The following HS3ST4 variants were observed in gnomAD, a reference collection of about 807,000 sequenced individuals.
The protein encoded by HS3ST4 is heparan sulfate-glucosamine 3-sulfotransferase 4.
Under a neutral mutation model 29.2 loss-of-function variants are expected in HS3ST4, and 17 were observed. The observed-to-expected ratio is 0.58, with a 90% CI of 0.40 to 0.87. The LOEUF (loss-of-function observed/expected upper bound fraction) is 0.87. Among genes scored for constraint, HS3ST4 ranks in the 40% least tolerant of loss-of-function variants. HS3ST4 has a pLI of 0.00. For missense variants in HS3ST4, 627 were observed against 634.5 expected (o/e 0.99, Z 0.13); for synonymous variants, 314 against 285.7 (o/e 1.10, Z -1.00).
chr16:26,044,036 T>G (rs1308893269), intron 1 of HS3ST4, among the ~76,000 whole-genome samples: 1 of 152,212 alleles, frequency 6.6e-6, no homozygotes, highest in East Asian at 1.9e-4. Flanking sequence ...CAGAGAAGTT[T>G]GACAAATAGC....
chr16:26,134,357 C>CTTTTTTTTTTT (rs1167036022), intron 1 of HS3ST4, among the ~76,000 whole-genome samples: 37 of 109,064 alleles, frequency 3.4e-4, no homozygotes, highest in African/African-American at 4.5e-4. Context: ...CTTTTCTTTT[C>CTTTTTTTTTTT]TTTTCTTTTT....
At chr16:25,795,079 C>A in intron 1 of HS3ST4, among the ~76,000 whole-genome samples, 1 of 150,712 alleles carries the variant, frequency 6.6e-6, no homozygotes. Context: ...TCAAGTGATT[C>A]TTCTGCCTCA....
chr16:25,880,532 T>C (rs1302492711), intron 1 of HS3ST4, among the ~76,000 whole-genome samples: 2 of 152,168 alleles, frequency 1.3e-5, no homozygotes, highest in African/African-American at 4.8e-5. Context: ...TGAGAATTAA[T>C]TAAGGTTTGT....
At chr16:25,927,315 G>C (rs1412785562) in intron 1 of HS3ST4, among the ~76,000 whole-genome samples, 1 of 152,210 alleles carries the variant, frequency 6.6e-6, no homozygotes, top group African/African-American at 2.4e-5. Context: ...AGCCTTTTGG[G>C]AATGTTGGAA....
chr16:25,723,049 C>T (rs1320148558), intron 1 of HS3ST4, among the ~76,000 whole-genome samples: 1 of 152,164 alleles, frequency 6.6e-6, no homozygotes, highest in African/African-American at 2.4e-5. Flanking sequence ...CCTTATAAAA[C>T]CATCAGATCT....
chr16:25,991,594 TAGA>T (rs903449541), intron 1 of HS3ST4, among the ~76,000 whole-genome samples: 3 of 152,156 alleles, frequency 2.0e-5, no homozygotes, highest in Non-Finnish European at 4.4e-5. Context: ...GTGAATGAAG[TAGA>T]AGGGAATTAA....
At chr16:25,842,847 A>G (rs1967429934) in intron 1 of HS3ST4, among the ~76,000 whole-genome samples, 1 of 152,198 alleles carries the variant, frequency 6.6e-6, no homozygotes, top group African/African-American at 2.4e-5. Flanking sequence ...TAAACAAGTT[A>G]TTTTGACTCT....
chr16:25,735,104 G>C (rs1220952445), intron 1 of HS3ST4, among the ~76,000 whole-genome samples: 1 of 152,214 alleles, frequency 6.6e-6, no homozygotes, highest in Non-Finnish European at 1.5e-5. Context: ...CTCTCTAACA[G>C]AAAATACTGC....
intron 1 of HS3ST4, among the ~76,000 whole-genome samples, chr16:25,957,545 G>C (rs1968749314): frequency 6.6e-6 from 1 of 152,078 alleles, no homozygotes; most frequent in Non-Finnish European, 1.5e-5. Context: ...AGCCTCCCGA[G>C]TAGCTGGGAT....
At chr16:25,894,554 G>A (rs894255828) in intron 1 of HS3ST4, among the ~76,000 whole-genome samples, 1 of 150,858 alleles carries the variant, frequency 6.6e-6, no homozygotes, top group African/African-American at 2.4e-5. Flanking sequence ...CACCCAGGCT[G>A]GAGTGCAATG....
At chr16:25,773,123 A>G (rs1567236877) in intron 1 of HS3ST4, among the ~76,000 whole-genome samples, 1 of 152,212 alleles carries the variant, frequency 6.6e-6, no homozygotes, top group Non-Finnish European at 1.5e-5. Context: ...TGTGGCTTAC[A>G]GCAACTAAAT....
At chr16:26,009,958 C>T (rs972500073) in intron 1 of HS3ST4, among the ~76,000 whole-genome samples, 7 of 152,130 alleles carry the variant, frequency 4.6e-5, no homozygotes, top group Non-Finnish European at 1.0e-4. Flanking sequence ...CTAAGTTTTC[C>T]TAGCAACACG....
intron 1 of HS3ST4, among the ~76,000 whole-genome samples, chr16:25,977,879 G>T (rs11859501): frequency 6.6e-6 from 1 of 152,086 alleles, no homozygotes; most frequent in South Asian, 2.1e-4. Flanking sequence ...ACAGATTGCC[G>T]CCCCCTGCCT....
chr16:25,775,657 G>A (rs1966846989), intron 1 of HS3ST4, among the ~76,000 whole-genome samples: 1 of 152,136 alleles, frequency 6.6e-6, no homozygotes, highest in African/African-American at 2.4e-5. Context: ...GTCTGTGCAC[G>A]TGTTCTTCTT....
intron 1 of HS3ST4, among the ~76,000 whole-genome samples, chr16:26,086,359 C>CT (rs35484055): frequency 0.49 from 72,872 of 148,798 alleles, 17,985 homozygotes; most frequent in Middle Eastern, 0.56. Context: ...CTTTTTTTTT[C>CT]TTTTTTTTGA....
At chr16:26,122,616 T>C (rs1245101264) in intron 1 of HS3ST4, among the ~76,000 whole-genome samples, 7 of 152,184 alleles carry the variant, frequency 4.6e-5, no homozygotes, top group Admixed American at 4.6e-4. Context: ...AATAATTCAC[T>C]AGGATATATG....
intron 1 of HS3ST4, among the ~76,000 whole-genome samples, chr16:26,090,599 A>G (rs191021464): frequency 1.1e-3 from 160 of 152,158 alleles, no homozygotes; most frequent in African/African-American, 3.6e-3. Context: ...GTGACCTGCA[A>G]ATCCTCCACT....
At chr16:25,870,321 A>T (rs927483011) in intron 1 of HS3ST4, among the ~76,000 whole-genome samples, 1 of 152,198 alleles carries the variant, frequency 6.6e-6, no homozygotes, top group African/African-American at 2.4e-5. Context: ...TGGAACTTAT[A>T]GTTAAGGATG....
intron 1 of HS3ST4, among the ~76,000 whole-genome samples, chr16:25,803,281 C>G (rs1361355812): frequency 2.0e-5 from 3 of 152,126 alleles, no homozygotes; most frequent in African/African-American, 7.2e-5. Context: ...TTCACATTCC[C>G]TATAATTTCC....
Sources: gnomAD v4.1 joint callset for allele counts (sites outside exome capture counted in the v4.1 genomes callset) on GRCh38, gnomAD v4.1.1 for gene constraint, MANE v1.5 for transcripts, NCBI Gene and HGNC (gene_info 2026-07-23, HGNC 2026-07-21) for gene names.